The following PTPRQ variants were observed in gnomAD, a reference collection of about 807,000 sequenced individuals.
The protein encoded by PTPRQ is phosphatidylinositol phosphatase PTPRQ.
Under a neutral mutation model 246.0 loss-of-function variants are expected in PTPRQ, and 199 were observed. The observed-to-expected ratio is 0.81, with a 90% CI of 0.72 to 0.91. The LOEUF (loss-of-function observed/expected upper bound fraction) is 0.91, where lower values mean the gene tolerates loss of function less well. Among genes scored for constraint, PTPRQ ranks in the 40% least tolerant of loss-of-function variants. PTPRQ has a pLI of 0.00. For missense variants in PTPRQ, 2,624 were observed against 2,528.4 expected, an observed-to-expected ratio of 1.04 and a Z score of -0.81; for synonymous variants, 869 against 853.2, an observed-to-expected ratio of 1.02 and a Z score of -0.32.
At chr12:80,653,416 T>C (rs1457477176) in intron 38 of PTPRQ, among the ~76,000 whole-genome samples, 1 of 152,194 alleles carries the variant, frequency 6.6e-6, no homozygotes, top group East Asian at 1.9e-4. Context: ...AGGACATTTC[T>C]CTGTTACTAA....
At chr12:80,619,249 A>T (rs1010496010) in intron 30 of PTPRQ, 135 bp from the exon 31 acceptor site, 8 of 1,059,788 alleles carry the variant, frequency 7.5e-6, no homozygotes, top group South Asian at 1.8e-5. Flanking sequence ...GTCTCCAAGC[A>T]CAATTCTCTA....
At chr12:80,446,456 T>G (rs1892556288) in intron 3 of PTPRQ, among the ~76,000 whole-genome samples, 1 of 151,880 alleles carries the variant, frequency 6.6e-6, no homozygotes, top group Admixed American at 6.6e-5. Flanking sequence ...TATTTTTGAT[T>G]CAGGGGACAT....
At chr12:80,448,796 C>G (rs1452350259) in intron 3 of PTPRQ, among the ~76,000 whole-genome samples, 6 of 148,634 alleles carry the variant, frequency 4.0e-5, no homozygotes, top group South Asian at 2.2e-4. Flanking sequence ...TGGGTTGGTT[C>G]CAAGTCTTTG....
intron 14 of PTPRQ, among the ~76,000 whole-genome samples, chr12:80,502,837 A>T (rs545546066): frequency 6.6e-6 from 1 of 151,850 alleles, no homozygotes; most frequent in African/African-American, 2.4e-5. Context: ...GGGTAAAGTA[A>T]GGTGGGGGAA....
chr12:80,531,448 C>A (rs1895840545), intron 17 of PTPRQ, among the ~76,000 whole-genome samples: 1 of 152,042 alleles, frequency 6.6e-6, no homozygotes, highest in South Asian at 2.1e-4. Flanking sequence ...AATGAATTTC[C>A]TACATACGAA....
At chr12:80,505,123 C>A (rs1777871072) in intron 14 of PTPRQ, among the ~76,000 whole-genome samples, 1 of 151,852 alleles carries the variant, frequency 6.6e-6, no homozygotes, top group Non-Finnish European at 1.5e-5. Flanking sequence ...GTTTTATAGT[C>A]TTTCTCTGAC....
At chr12:80,580,131 A>G (rs984453761) in intron 25 of PTPRQ, among the ~76,000 whole-genome samples, 2 of 152,200 alleles carry the variant, frequency 1.3e-5, no homozygotes, top group African/African-American at 4.8e-5. Flanking sequence ...CATTTTATAC[A>G]TGTATTCATC....
chr12:80,618,963 C>T (rs1033752899), intron 30 of PTPRQ, among the ~76,000 whole-genome samples: 2 of 151,388 alleles, frequency 1.3e-5, no homozygotes, highest in Admixed American at 6.6e-5. Context: ...AGATGTTTAG[C>T]ATGGATTAAC....
intron 9 of PTPRQ, among the ~76,000 whole-genome samples, chr12:80,487,475 AAATCTCTGACCTCAAGGTC>A (rs1409173140): frequency 2.0e-5 from 3 of 152,118 alleles, no homozygotes; most frequent in South Asian, 4.1e-4. Flanking sequence ...GACATAACAC[AAATCTCTGACCTCAAGGTC>A]ATTGTCTAAG....
chr12:80,620,920 G>C (rs1487302689), intron 32 of PTPRQ, among the ~76,000 whole-genome samples: 1 of 151,664 alleles, frequency 6.6e-6, no homozygotes, highest in Non-Finnish European at 1.5e-5. Context: ...AAATCAATTT[G>C]ATATTTTGGC....
chr12:80,546,885 T>G, intron 24 of PTPRQ, 188 bp downstream of exon 24: 1 of 570,288 alleles, frequency 1.8e-6, no homozygotes, highest in Non-Finnish European at 2.8e-6. Context: ...TATACATATA[T>G]TTTCACACAT....
At chr12:80,492,855 A>G (rs1251090956) in intron 9 of PTPRQ, among the ~76,000 whole-genome samples, 4 of 152,014 alleles carry the variant, frequency 2.6e-5, no homozygotes, top group South Asian at 2.1e-4. Flanking sequence ...CCTCTCATGT[A>G]TGGTATACAA....
chr12:80,625,246 T>C (rs553084132), intron 33 of PTPRQ, among the ~76,000 whole-genome samples: 25 of 152,174 alleles, frequency 1.6e-4, no homozygotes, highest in Non-Finnish European at 2.8e-4. Context: ...AAATATGTCA[T>C]GTGTTGGGAT....
intron 39 of PTPRQ, among the ~76,000 whole-genome samples, chr12:80,661,957 C>T (rs765554759): frequency 1.3e-5 from 2 of 151,830 alleles, no homozygotes; most frequent in Non-Finnish European, 2.9e-5. Flanking sequence ...ATTTAAGTAG[C>T]CTGCTCTACA....
intron 17 of PTPRQ, among the ~76,000 whole-genome samples, chr12:80,520,041 G>C (rs559013048): frequency 2.6e-5 from 4 of 151,982 alleles, no homozygotes; most frequent in African/African-American, 4.8e-5. Context: ...GGATTGGGGG[G>C]GATACATGTC....
intron 35 of PTPRQ, among the ~76,000 whole-genome samples, chr12:80,643,820 C>T (rs1397953806): frequency 2.6e-5 from 4 of 152,164 alleles, no homozygotes; most frequent in African/African-American, 9.7e-5. Context: ...TCATACAAAA[C>T]TTGGAAATAT....
chr12:80,520,681 G>C (rs1193235307), intron 17 of PTPRQ, among the ~76,000 whole-genome samples: 1 of 152,024 alleles, frequency 6.6e-6, no homozygotes, highest in African/African-American at 2.4e-5. Context: ...CCCTACAAAG[G>C]ACATGAATTC....
intron 17 of PTPRQ, among the ~76,000 whole-genome samples, chr12:80,530,633 G>A (rs904094485): frequency 2.0e-5 from 3 of 151,986 alleles, no homozygotes; most frequent in Admixed American, 1.3e-4. Context: ...CACAAATGAC[G>A]AACAAACATG....
At chr12:80,617,309 A>C (rs1898799919) in intron 30 of PTPRQ, among the ~76,000 whole-genome samples, 1 of 151,380 alleles carries the variant, frequency 6.6e-6, no homozygotes, top group Non-Finnish European at 1.5e-5. Context: ...TTAAGAATAA[A>C]AAATATTCAC....
Sources: gnomAD v4.1 joint callset for allele counts (sites outside exome capture counted in the v4.1 genomes callset) on GRCh38, gnomAD v4.1.1 for gene constraint, MANE v1.5 for transcripts, NCBI Gene and HGNC (gene_info 2026-07-23, HGNC 2026-07-21) for gene names.